The following IQGAP2 variants were observed in gnomAD, a reference collection of about 807,000 sequenced individuals.
IQGAP2 encodes the protein ras GTPase-activating-like protein IQGAP2.
Under a neutral mutation model 201.3 loss-of-function variants are expected in IQGAP2, and 173 were observed. That is an observed-to-expected ratio of 0.86 (90% confidence interval 0.76 to 0.98). IQGAP2 has a LOEUF of 0.98. Among genes scored for constraint, IQGAP2 ranks in the 50% least tolerant of loss-of-function variants. The probability of loss-of-function intolerance (pLI) is 0.00; values close to 1 mark genes in which losing one functional copy is unlikely to be tolerated. For missense variants in IQGAP2, 1,687 were observed against 1,864.8 expected, an observed-to-expected ratio of 0.90 and a Z score of 1.76; for synonymous variants, 675 against 673.9, an observed-to-expected ratio of 1.00 and a Z score of -0.03.
In IQGAP2 at chr5:76,496,725, T is replaced by TTTTCTTTCTTTC. The variant is rs774957947; in HGVS notation, c.146+35114_146+35125dup. ...GTCTCTTTCTTTCTTTCTTTCTTTC[T>TTTTCTTTCTTTC]TTTCTTTCTTTCTTTCTTTCTTTCT... On this transcript the variant is annotated intron_variant, in intron 2 of 35. Transcript: ENST00000274364. Among the ~76,000 whole-genome samples, 4 of 93,676 alleles carry TTTTCTTTCTTTC rather than the reference T, an allele frequency of 4.3e-5. No individual in the cohort carries two copies. In the East Asian group the frequency reaches 1.2e-3, roughly 28 times the overall value. The allele number at this position is 93,676 out of a possible 152,430, so 61.5% of individuals were successfully genotyped here.
At chr5:76,489,710 A>G (rs10035371) in intron 2 of IQGAP2, among the ~76,000 whole-genome samples, 75,518 of 152,080 alleles carry the variant, frequency 0.5, 19,313 homozygotes, top group Middle Eastern at 0.61. Context: ...CACGTGATCC[A>G]TCCGCCTTGG....
In IQGAP2 at chr5:76,680,443, A is replaced by G. The variant is rs147018416; in HGVS notation, c.3661-2672A>G. Among the ~76,000 whole-genome samples the G allele has an allele frequency of 8.1e-4, 123 of 152,308 alleles. 1 individual carries two copies. Among genetic ancestry groups the G allele is most frequent in the Middle Eastern group, 6.8e-3 (2 of 294 alleles). On this transcript the variant is annotated intron_variant, in intron 28 of 35. Transcript: ENST00000274364. ...TGGATTAGGCAGTAGTTTCTTAGAT[A>G]TGACACCAAACACATAAGCAGCAAA...
At chr5:76,492,480 T>C (rs1215227286) in intron 2 of IQGAP2, among the ~76,000 whole-genome samples, 1 of 152,088 alleles carries the variant, frequency 6.6e-6, no homozygotes, top group Non-Finnish European at 1.5e-5. Flanking sequence ...AAGATTAGCA[T>C]TGAGAAGGAG....
chr5:76,420,026 C>G (rs1751642302), intron 1 of IQGAP2, among the ~76,000 whole-genome samples: 1 of 152,166 alleles, frequency 6.6e-6, no homozygotes, highest in Non-Finnish European at 1.5e-5. Context: ...AAGGCCTTCC[C>G]CAGCCTGGAA....
intron 16 of IQGAP2, among the ~76,000 whole-genome samples, chr5:76,639,134 T>G (rs1751370836): frequency 1.3e-5 from 2 of 152,232 alleles, no homozygotes; most frequent in African/African-American, 4.8e-5. Flanking sequence ...TCACATCACT[T>G]TGATCCCTAA....
intron 23 of IQGAP2, among the ~76,000 whole-genome samples, chr5:76,670,434 A>G (rs1744206575): frequency 6.6e-6 from 1 of 152,208 alleles, no homozygotes; most frequent in African/African-American, 2.4e-5. Flanking sequence ...GAATGGTGTG[A>G]ACCCAGGAGG....
At chr5:76,519,583 A>G (rs1268815499) in intron 2 of IQGAP2, among the ~76,000 whole-genome samples, 1 of 152,222 alleles carries the variant, frequency 6.6e-6, no homozygotes, top group Non-Finnish European at 1.5e-5. Flanking sequence ...TGGAAGATGT[A>G]TGGTTAACTT....
intron 12 of IQGAP2, among the ~76,000 whole-genome samples, chr5:76,610,086 A>C (rs1293939842): frequency 0.35 from 3,069 of 8,662 alleles, 480 homozygotes; most frequent in Non-Finnish European, 0.4. Flanking sequence ...CTATATATAT[A>C]TATATATATA....
At chr5:76,632,244 A>G (rs1750774750) in intron 15 of IQGAP2, among the ~76,000 whole-genome samples, 1 of 152,198 alleles carries the variant, frequency 6.6e-6, no homozygotes, top group African/African-American at 2.4e-5. Context: ...TGGCATTAAG[A>G]AAATGTCATA....
intron 28 of IQGAP2, among the ~76,000 whole-genome samples, chr5:76,680,271 GGAAATTCCCATGCCAAA>G (rs1745163647): frequency 6.6e-6 from 1 of 152,144 alleles, no homozygotes; most frequent in Admixed American, 6.6e-5. Flanking sequence ...TGGGACAACT[GGAAATTCCCATGCCAAA>G]GAATGTAGTT....
chr5:76,468,609 C>T (rs992550562), intron 2 of IQGAP2, among the ~76,000 whole-genome samples: 1 of 152,156 alleles, frequency 6.6e-6, no homozygotes, highest in East Asian at 1.9e-4. Context: ...TCTCTAGCCT[C>T]CTTCAATCCT....
chr5:76,658,551 G>A lies in IQGAP2; in HGVS notation c.2413G>A (p.Ala805Thr), dbSNP rs750639664. ...GGATTTCCAGGAGGAACTAGAGGTT[G>A]CACGATTAAGGGAAGAAGTAGTGAC... ...DLDFQEELEV[A>T]RLREEVVTKI... Residue 805 changes from alanine to threonine, a missense_variant, in exon 21 of 36, where the codon GCA becomes ACA. By Grantham distance (58) the Ala-to-Thr change is moderately conservative. Transcript: ENST00000274364. 2 of 1,613,934 alleles carry A rather than the reference G, an allele frequency of 1.2e-6. No individual in the cohort carries two copies. The highest frequency in any genetic ancestry group is 4.5e-5 in the East Asian group (2 of 44,880).
intron 2 of IQGAP2, among the ~76,000 whole-genome samples, chr5:76,494,117 A>T (rs752912567): frequency 1.3e-5 from 2 of 152,022 alleles, no homozygotes; most frequent in African/African-American, 2.4e-5. Context: ...TTGTCTTGTT[A>T]GTTTTGATCT....
chr5:76,639,438 G>A (rs1751393793), intron 16 of IQGAP2, among the ~76,000 whole-genome samples: 1 of 152,128 alleles, frequency 6.6e-6, no homozygotes, highest in Non-Finnish European at 1.5e-5. Flanking sequence ...ACTTTAAAAA[G>A]TGAGTAATGC....
chr5:76,514,996 G>A (rs965812794), intron 2 of IQGAP2, among the ~76,000 whole-genome samples: 2 of 152,194 alleles, frequency 1.3e-5, no homozygotes, highest in Non-Finnish European at 2.9e-5. Flanking sequence ...TAGCTGATAT[G>A]TTTCTGACAT....
At chr5:76,425,113 A>G (rs1751923968) in intron 1 of IQGAP2, among the ~76,000 whole-genome samples, 1 of 152,186 alleles carries the variant, frequency 6.6e-6, no homozygotes, top group Non-Finnish European at 1.5e-5. Flanking sequence ...ATCTTCCTGC[A>G]GGACTCTAAG....
At chr5:76,409,480 C>T (rs1334853061) in intron 1 of IQGAP2, among the ~76,000 whole-genome samples, 1 of 152,002 alleles carries the variant, frequency 6.6e-6, no homozygotes, top group African/African-American at 2.4e-5. Flanking sequence ...CTCCTGAGCT[C>T]AAATGATCTG....
intron 13 of IQGAP2, among the ~76,000 whole-genome samples, chr5:76,614,789 G>A (rs1748776813): frequency 1.3e-5 from 2 of 151,704 alleles, no homozygotes. Flanking sequence ...CCAGTTGTGT[G>A]TTTATGATGG....
Position 76,480,012 on chromosome 5 carries a change from G to A in IQGAP2, c.146+18343G>A, listed in dbSNP as rs1257999776. On this transcript the variant is annotated intron_variant, in intron 2 of 35. Transcript: ENST00000274364. ...GGAGAAGTTGTCAGGCTCAGTCAAG[G>A]AGAAGGGAGGAGCGATATGGTTTAA... Among the ~76,000 whole-genome samples, 5 of 131,748 alleles carry A rather than the reference G, an allele frequency of 3.8e-5. No individual in the cohort carries two copies. In the East Asian group the frequency reaches 1.1e-3, roughly 29 times the overall value. The allele number at this position is 131,748 out of a possible 152,430, so 86.4% of individuals were successfully genotyped here.
Sources: gnomAD v4.1 joint callset for allele counts (sites outside exome capture counted in the v4.1 genomes callset) on GRCh38, gnomAD v4.1.1 for gene constraint, MANE v1.5 for transcripts, NCBI Gene and HGNC (gene_info 2026-07-23, HGNC 2026-07-21) for gene names.